Variants in PTPRN2 observed in about 807,000 individuals in gnomAD.
PTPRN2 encodes receptor-type tyrosine-protein phosphatase N2.
PTPRN2 carries 74 observed loss-of-function variants against 118.8 expected under a neutral mutation model. The ratio of observed to expected loss-of-function variants is 0.62; its 90% confidence interval spans 0.52 to 0.76. PTPRN2 has a LOEUF of 0.76. Ranked by LOEUF, PTPRN2 falls within the 30% of genes least tolerant of loss-of-function variation. The pLI is 0.00. For missense variants in PTPRN2, 1,481 were observed against 1,394.4 expected, an observed-to-expected ratio of 1.06 and a Z score of -0.99; for synonymous variants, 641 against 608.0, an observed-to-expected ratio of 1.05 and a Z score of -0.80.
At chr7:157,760,158 A>G (rs1223456295) in intron 12 of PTPRN2, among the ~76,000 whole-genome samples, 1 of 152,072 alleles carries the variant, frequency 6.6e-6, no homozygotes, top group Non-Finnish European at 1.5e-5. Flanking sequence ...CACCCACTGA[A>G]TCTCTCTAAC....
chr7:158,285,649 G>A (rs1799719649), intron 3 of PTPRN2, among the ~76,000 whole-genome samples: 1 of 152,238 alleles, frequency 6.6e-6, no homozygotes, highest in South Asian at 2.1e-4. Flanking sequence ...CACAGAGCAT[G>A]CTGCTGTAAG....
intron 3 of PTPRN2, among the ~76,000 whole-genome samples, chr7:158,268,714 G>A (rs1319823648): frequency 3.9e-5 from 5 of 128,664 alleles, no homozygotes; most frequent in East Asian, 2.6e-4. Context: ...CAGCCCAGCC[G>A]CACACAGAGA....
At chr7:158,416,278 C>G (rs757670573) in intron 2 of PTPRN2, among the ~76,000 whole-genome samples, 1 of 152,228 alleles carries the variant, frequency 6.6e-6, no homozygotes, top group East Asian at 1.9e-4. Flanking sequence ...TGATTGCATC[C>G]GACTGTCCTC....
intron 2 of PTPRN2, among the ~76,000 whole-genome samples, chr7:158,423,299 G>C (rs1365061333): frequency 6.6e-6 from 1 of 152,210 alleles, no homozygotes; most frequent in Non-Finnish European, 1.5e-5. Flanking sequence ...GAAGGAAGTG[G>C]ATTTGGGGGG....
intron 2 of PTPRN2, among the ~76,000 whole-genome samples, chr7:158,412,236 A>T (rs1459078323): frequency 1.4e-5 from 1 of 73,626 alleles, no homozygotes; most frequent in Non-Finnish European, 2.6e-5. Flanking sequence ...CCTCCTCAGC[A>T]CCAGGGCCCA....
At chr7:158,100,386 G>C (rs761091174) in intron 10 of PTPRN2, among the ~76,000 whole-genome samples, 2 of 151,882 alleles carry the variant, frequency 1.3e-5, no homozygotes. Flanking sequence ...TATCTTTCTC[G>C]TATAATGACT....
At chr7:158,246,966 G>A (rs529929159) in intron 3 of PTPRN2, among the ~76,000 whole-genome samples, 41 of 152,348 alleles carry the variant, frequency 2.7e-4, no homozygotes, top group African/African-American at 9.4e-4. Flanking sequence ...CCATCTCCAC[G>A]CACTTCTCAT....
At chr7:158,515,967 C>T (rs569308904) in intron 1 of PTPRN2, among the ~76,000 whole-genome samples, 1 of 152,312 alleles carries the variant, frequency 6.6e-6, no homozygotes, top group Admixed American at 6.5e-5. Flanking sequence ...ACATTTCATA[C>T]TTGATACTCT....
At chr7:157,837,755 A>C (rs1310468787) in intron 12 of PTPRN2, among the ~76,000 whole-genome samples, 1 of 151,904 alleles carries the variant, frequency 6.6e-6, no homozygotes, top group Non-Finnish European at 1.5e-5. Context: ...ATCCTCCTTC[A>C]CTCCATGACC....
intron 14 of PTPRN2, among the ~76,000 whole-genome samples, chr7:157,653,498 T>C (rs1396620628): frequency 6.6e-6 from 1 of 152,114 alleles, no homozygotes; most frequent in Non-Finnish European, 1.5e-5. Flanking sequence ...AGCCTGTGTG[T>C]GCCAGGGAGG....
chr7:157,652,114 T>G (rs1384708849), intron 14 of PTPRN2, among the ~76,000 whole-genome samples: 2 of 152,184 alleles, frequency 1.3e-5, no homozygotes, highest in Non-Finnish European at 2.9e-5. Context: ...TAAAGGACCT[T>G]TCTAAGAAAA....
chr7:157,723,372 C>T (rs549041751), intron 12 of PTPRN2, among the ~76,000 whole-genome samples: 23 of 152,296 alleles, frequency 1.5e-4, no homozygotes, highest in African/African-American at 4.6e-4. Context: ...GGCCTTTCCC[C>T]GGCTGGCCAC....
At chr7:158,221,934 T>C (rs143215423) in intron 3 of PTPRN2, among the ~76,000 whole-genome samples, 59 of 152,244 alleles carry the variant, frequency 3.9e-4, no homozygotes, top group Middle Eastern at 3.4e-3. Context: ...CAGACACTTC[T>C]TAAAAGAAGA....
chr7:158,456,417 G>A (rs572388046), intron 2 of PTPRN2, among the ~76,000 whole-genome samples: 20 of 151,600 alleles, frequency 1.3e-4, no homozygotes, highest in African/African-American at 4.1e-4. Context: ...GACGCCATCG[G>A]CCACGGCCCC....
At chr7:158,195,393 C>G (rs1826135435) in intron 4 of PTPRN2, among the ~76,000 whole-genome samples, 1 of 152,132 alleles carries the variant, frequency 6.6e-6, no homozygotes, top group Non-Finnish European at 1.5e-5. Flanking sequence ...GGCTTTTTAT[C>G]ACTGGTTTTG....
chr7:157,565,092 G>A (rs770543192), intron 21 of PTPRN2, among the ~76,000 whole-genome samples: 6 of 152,250 alleles, frequency 3.9e-5, no homozygotes, highest in Admixed American at 6.5e-5. Context: ...TAGATGAGGT[G>A]CGTAGTATAT....
At chr7:157,756,452 C>T (rs543158391) in intron 12 of PTPRN2, among the ~76,000 whole-genome samples, 65 of 152,168 alleles carry the variant, frequency 4.3e-4, no homozygotes, top group African/African-American at 1.2e-3. Flanking sequence ...TCCGTCACCA[C>T]GCCCAGCTAA....
At chr7:157,745,355 G>C (rs1344026669) in intron 12 of PTPRN2, among the ~76,000 whole-genome samples, 2 of 149,674 alleles carry the variant, frequency 1.3e-5, no homozygotes, top group Non-Finnish European at 3.0e-5. Flanking sequence ...CATTGCTCCA[G>C]ACGAACGCAA....
intron 2 of PTPRN2, among the ~76,000 whole-genome samples, chr7:158,445,480 C>T (rs1400812550): frequency 2.0e-5 from 3 of 152,178 alleles, no homozygotes; most frequent in African/African-American, 4.8e-5. Context: ...GGCTCCTTGG[C>T]AGAGCCTGAG....
Sources: allele counts gnomAD v4.1 joint callset (sites outside exome capture counted in the v4.1 genomes callset), GRCh38; gene constraint gnomAD v4.1.1; transcripts MANE v1.5; gene names NCBI Gene and HGNC (gene_info 2026-07-23, HGNC 2026-07-21).